ANXA8: variants seen among roughly 807,000 people sequenced by gnomAD.
ANXA8 encodes annexin A8.
In ANXA8, 9 loss-of-function variants were observed where a neutral mutation model predicts 26.8. The ratio of observed to expected loss-of-function variants is 0.34; its 90% confidence interval spans 0.20 to 0.59. The LOEUF is 0.59. Ranked by LOEUF, ANXA8 falls within the 20% of genes least tolerant of loss-of-function variation. The pLI, the probability that ANXA8 is intolerant of heterozygous loss-of-function variation, is 0.84. For missense variants in ANXA8, 83 were observed against 238.5 expected (o/e 0.35, Z 4.29); for synonymous variants, 39 against 94.8 (o/e 0.41, Z 3.42).
At chr10:47,665,509 T>G in the ANXA8 span, among the ~76,000 whole-genome samples, 1 of 150,984 alleles carries the variant, frequency 6.6e-6, no homozygotes, top group African/African-American at 2.5e-5. Flanking sequence ...GTGCTATATA[T>G]TCATACTCAT....
At chr10:47,947,663 C>T in the ANXA8 span, among the ~76,000 whole-genome samples, 1 of 150,788 alleles carries the variant, frequency 6.6e-6, no homozygotes, top group Non-Finnish European at 1.5e-5. Flanking sequence ...GATGTGTTTG[C>T]TTTCTCTTCC....
chr10:47,518,558 C>T, the ANXA8 span, among the ~76,000 whole-genome samples: 7 of 126,306 alleles, frequency 5.5e-5, no homozygotes, highest in African/African-American at 1.6e-4. Flanking sequence ...ACTACAGGCA[C>T]GTGCCACCAT....
chr10:47,683,432 T>G, the ANXA8 span, among the ~76,000 whole-genome samples: 13 of 150,436 alleles, frequency 8.6e-5, no homozygotes, highest in East Asian at 2.0e-4. Flanking sequence ...GTTTCACCCT[T>G]TTAGCCAGGA....
the ANXA8 span, chr10:47,689,625 G>A: frequency 2.0e-6 from 1 of 505,184 alleles, no homozygotes; most frequent in Non-Finnish European, 3.5e-6. Context: ...ATTTTCTTTT[G>A]GTACATTATT....
the ANXA8 span, among the ~76,000 whole-genome samples, chr10:47,639,311 A>ATTTTTT: frequency 1.7e-5 from 1 of 59,556 alleles, no homozygotes; most frequent in African/African-American, 5.9e-5. Context: ...TATTATTATT[A>ATTTTTT]TTATTTTTTT....
chr10:47,513,344 T>C, the ANXA8 span, among the ~76,000 whole-genome samples: 3 of 142,440 alleles, frequency 2.1e-5, no homozygotes, highest in South Asian at 4.5e-4. Flanking sequence ...GATTATCTTT[T>C]TGATATGCCG....
the ANXA8 span, among the ~76,000 whole-genome samples, chr10:47,744,385 T>C: frequency 9.3e-5 from 9 of 97,192 alleles, no homozygotes; most frequent in African/African-American, 3.3e-4. Flanking sequence ...CCATCTCTCT[T>C]GTCCACACGT....
the ANXA8 span, among the ~76,000 whole-genome samples, chr10:47,771,450 T>A: frequency 6.6e-6 from 1 of 150,758 alleles, no homozygotes; most frequent in Non-Finnish European, 1.5e-5. Context: ...ATAATTTATA[T>A]AAGGATTTTG....
the ANXA8 span, among the ~76,000 whole-genome samples, chr10:47,978,262 TGA>T: frequency 2.0e-5 from 3 of 150,884 alleles, no homozygotes; most frequent in African/African-American, 7.3e-5. Context: ...AAATGAAAAA[TGA>T]GAGAGTTCAT....
chr10:47,565,221 C>G, the ANXA8 span: 2 of 610,606 alleles, frequency 3.3e-6, no homozygotes, highest in Non-Finnish European at 5.8e-6. Context: ...GAGCCTCCCC[C>G]CAGCCCTGCG....
chr10:47,675,928 T>C, the ANXA8 span, among the ~76,000 whole-genome samples: 1 of 151,204 alleles, frequency 6.6e-6, no homozygotes, highest in African/African-American at 2.4e-5. Context: ...AAGAACCAAG[T>C]TGAAATTCTA....
At chr10:47,744,423 T>TGGGGGGGGAGGGGGGAAGGGGGGGGGG in the ANXA8 span, among the ~76,000 whole-genome samples, 14 of 6,438 alleles carry the variant, frequency 2.2e-3, no homozygotes, top group South Asian at 0.011. Flanking sequence ...GGGGGGGGGT[T>TGGGGGGGGAGGGGGGAAGGGGGGGGGG]GGGGGGGAGG....
At chr10:47,607,515 G>T in the ANXA8 span, among the ~76,000 whole-genome samples, 3 of 147,664 alleles carry the variant, frequency 2.0e-5, no homozygotes, top group African/African-American at 7.7e-5. Context: ...ATGGAAAATT[G>T]GCATAACATT....
chr10:47,513,713 A>G, the ANXA8 span, among the ~76,000 whole-genome samples: 1 of 140,392 alleles, frequency 7.1e-6, no homozygotes, highest in Admixed American at 7.3e-5. Flanking sequence ...AATAGAATAG[A>G]GAACCCAGAA....
the ANXA8 span, among the ~76,000 whole-genome samples, chr10:47,698,937 T>G: frequency 1.1e-4 from 17 of 151,626 alleles, no homozygotes; most frequent in Non-Finnish European, 1.9e-4. Flanking sequence ...CAATGTCTTA[T>G]TTAATAGAAA....
At chr10:47,955,249 C>G in the ANXA8 span, among the ~76,000 whole-genome samples, 1 of 149,086 alleles carries the variant, frequency 6.7e-6, no homozygotes, top group African/African-American at 2.5e-5. Flanking sequence ...TCCCCAGCCA[C>G]CTGGAACTGT....
At chr10:47,651,178 C>T in the ANXA8 span, among the ~76,000 whole-genome samples, 60 of 150,976 alleles carry the variant, frequency 4.0e-4, no homozygotes, top group Non-Finnish European at 5.0e-4. Flanking sequence ...CCAGCCTGGG[C>T]GGCAGAGCAA....
the ANXA8 span, among the ~76,000 whole-genome samples, chr10:47,975,066 C>A: frequency 6.7e-6 from 1 of 149,748 alleles, no homozygotes; most frequent in Admixed American, 6.7e-5. Flanking sequence ...TTCCAAACTT[C>A]TAGGACTATT....
the ANXA8 span, chr10:47,986,513 C>T: frequency 4.6e-5 from 14 of 303,064 alleles, no homozygotes; most frequent in South Asian, 3.6e-4. Context: ...TTTCGTCCAG[C>T]CAGGTGGCCC....
Sources: allele counts gnomAD v4.1 joint callset (sites outside exome capture counted in the v4.1 genomes callset), GRCh38; gene constraint gnomAD v4.1.1; transcripts MANE v1.5; gene names NCBI Gene and HGNC (gene_info 2026-07-23, HGNC 2026-07-21).